The following XK variants were observed in gnomAD, a reference collection of about 807,000 sequenced individuals.
The protein encoded by XK is endoplasmic reticulum membrane adapter protein XK.
In XK, 2 loss-of-function variants were observed where a neutral mutation model predicts 14.0. The ratio of observed to expected loss-of-function variants is 0.14; its 90% CI spans 0.06 to 0.45. The LOEUF (loss-of-function observed/expected upper bound fraction) is 0.45, where lower values mean the gene tolerates loss of function less well. Among genes scored for constraint, XK ranks in the 20% least tolerant of loss-of-function variants. The pLI is 0.98. For missense variants in XK, 235 were observed against 341.5 expected (o/e 0.69, Z 2.46); for synonymous variants, 149 against 147.5 (o/e 1.01, Z -0.08).
At chrX:37,688,773 A>T (rs1467549910) in intron 1 of XK, among the ~76,000 whole-genome samples, 2 of 111,894 alleles carry the variant, frequency 1.8e-5, no homozygotes, top group African/African-American at 3.2e-5. Context: ...CCCAAGACAA[A>T]GCTAATGACA....
At chrX:37,707,949 A>G (rs1556445744) in intron 2 of XK, among the ~76,000 whole-genome samples, 1 of 112,851 alleles carries the variant, frequency 8.9e-6, no homozygotes, top group African/African-American at 3.2e-5. Flanking sequence ...TCCGTCTGCA[A>G]TCCCGGCCCC....
At chrX:37,697,984 G>A (rs1927334716) in intron 2 of XK, among the ~76,000 whole-genome samples, 1 of 111,867 alleles carries the variant, frequency 8.9e-6, no homozygotes, top group Non-Finnish European at 1.9e-5. Context: ...CTTCAGTCTT[G>A]GGTGAATTTG....
rs782480229 is a variant in XK, at chrX:37,685,931, C to T, written c.-31C>T. On this transcript the variant is annotated 5_prime_UTR_variant, in exon 1 of 3. Transcript: ENST00000378616. Reference sequence around the variant, plus strand: ...GCCACACAGCCGCCGCCACTGCGTCCGTCCCCGGTGAGCGCCGCTGACGCG... The same window carrying T: ...GCCACACAGCCGCCGCCACTGCGTCTGTCCCCGGTGAGCGCCGCTGACGCG... The T allele has an allele frequency of 2.6e-5, 31 of 1,193,820 alleles. No individual in the cohort carries two copies. The East Asian group carries it at 7.5e-4, about 29-fold the overall frequency.
chrX:37,728,635 C>T lies in XK; in HGVS notation c.*173C>T, dbSNP rs1928026961. The stretch of plus-strand genomic sequence containing the variant: ...TATGTAGAACTGTATGGGAAGAAGC[C>T]AGGAAAACCTCTGAGTGTTGAAGGG... On this transcript the variant is annotated 3_prime_UTR_variant, in exon 3 of 3. Coordinates refer to ENST00000378616, the MANE Select transcript of XK (RefSeq NM_021083.4). The T allele has an allele frequency of 3.9e-6, 2 of 516,316 alleles. No homozygotes were observed. Among genetic ancestry groups the T allele is most frequent in the Non-Finnish European group, 6.4e-6 (2 of 313,324 alleles). 42.6% of individuals were successfully genotyped at this position (516,316 alleles called of 1,213,427 possible). A position where few individuals can be genotyped will look rare whatever the true frequency, so the allele number is the denominator to read the frequency against.
At chrX:37,697,563 T>C (rs1161212185) in intron 2 of XK, among the ~76,000 whole-genome samples, 1 of 112,323 alleles carries the variant, frequency 8.9e-6, no homozygotes, top group Non-Finnish European at 1.9e-5. Flanking sequence ...CTGTGCTCAT[T>C]GAGCAAACAT....
At chrX:37,716,567 A>G (rs897071189) in intron 2 of XK, among the ~76,000 whole-genome samples, 3 of 111,651 alleles carry the variant, frequency 2.7e-5, no homozygotes, top group African/African-American at 9.8e-5. Context: ...ATGCTGAATT[A>G]TTTACAAGGT....
intron 2 of XK, among the ~76,000 whole-genome samples, chrX:37,705,181 C>G (rs1556444683): frequency 1.8e-5 from 2 of 110,963 alleles, no homozygotes; most frequent in Non-Finnish European, 3.8e-5. Context: ...CGTGGTAGCT[C>G]ACGCCTGTAA....
intron 1 of XK, among the ~76,000 whole-genome samples, chrX:37,688,027 A>ATTTC (rs61667945): frequency 0.29 from 22,376 of 76,672 alleles, 4,539 homozygotes; most frequent in Middle Eastern, 0.45. Flanking sequence ...GGCACTTATC[A>ATTTC]TTTCTTTCTT....
intron 2 of XK, among the ~76,000 whole-genome samples, chrX:37,700,936 A>G (rs781996813): frequency 1.8e-5 from 2 of 111,430 alleles, no homozygotes; most frequent in Non-Finnish European, 3.8e-5. Flanking sequence ...AATGCAAAAA[A>G]AAAAGTTATG....
chrX:37,708,119 T>G (rs1383087049), intron 2 of XK, among the ~76,000 whole-genome samples: 1 of 111,838 alleles, frequency 8.9e-6, no homozygotes, highest in Non-Finnish European at 1.9e-5. Context: ...GGCAGTAGAA[T>G]CAGGCAGGGA....
Position 37,728,331 on chromosome X carries a change from CA to C in XK, c.1209del (p.Lys403AsnfsTer6). ...LRCFCWACRQ[Q>X]KPCEPIGKED... ...GTGTTTTTGCTGGGCCTGCAGGCAG[CA>C]AAAACCCTGTGAGCCGATAGGAAAG... is the stretch of plus-strand genomic sequence containing the variant. On this transcript the variant is annotated frameshift_variant, in exon 3 of 3. Coordinates refer to ENST00000378616, the MANE Select transcript of XK (RefSeq NM_021083.4). LOFTEE classifies it low-confidence loss of function (END_TRUNC). 1 of 1,210,387 alleles carries C rather than the reference CA, an allele frequency of 8.3e-7. No homozygotes were observed. The highest frequency in any genetic ancestry group is 1.1e-6 in the Non-Finnish European group (1 of 895,230).
chrX:37,695,855 C>T (rs890995561), intron 2 of XK, among the ~76,000 whole-genome samples: 1 of 111,737 alleles, frequency 8.9e-6, no homozygotes, highest in African/African-American at 3.3e-5. Flanking sequence ...AAATACTTTC[C>T]GCAACACCTG....
chrX:37,728,542 A>G lies in XK; in HGVS notation c.*80A>G, dbSNP rs1372228145. The G allele has an allele frequency of 1.9e-6, 2 of 1,027,458 alleles. No individual in the cohort carries two copies. Among genetic ancestry groups the G allele is most frequent in the East Asian group, 3.0e-5 (1 of 33,007 alleles). The allele number at this position is 1,027,458 out of a possible 1,213,427, so 84.7% of individuals were successfully genotyped here. On this transcript the variant is annotated 3_prime_UTR_variant, in exon 3 of 3. Transcript: ENST00000378616. ...TATTCATACAAATAATGAGCCCTACACAGGGAACAAGGCAGGAAGTTAGCT... is the reference window on the plus strand; with the variant it reads ...TATTCATACAAATAATGAGCCCTACGCAGGGAACAAGGCAGGAAGTTAGCT...
chrX:37,687,440 T>C (rs1306006999), intron 1 of XK, among the ~76,000 whole-genome samples: 1 of 109,708 alleles, frequency 9.1e-6, no homozygotes, highest in Non-Finnish European at 1.9e-5. Flanking sequence ...GCTAATTTTC[T>C]TTTTTCTTTC....
chrX:37,699,149 TG>T (rs782680680), intron 2 of XK, among the ~76,000 whole-genome samples: 47 of 112,558 alleles, frequency 4.2e-4, no homozygotes, highest in Admixed American at 1.2e-3. Flanking sequence ...AATAATGGCC[TG>T]GACTGGAATA....
Position 37,686,031 on chromosome X carries a change from C to T in XK, c.70C>T (p.Leu24=), listed in dbSNP as rs12852968. The T allele has an allele frequency of 8.3e-7, 1 of 1,209,116 alleles. No individual in the cohort carries two copies. The highest frequency in any genetic ancestry group is 2.2e-5 in the Admixed American group (1 of 46,044). Residue 24 remains leucine (L), a synonymous_variant, in exon 1 of 3, where the codon CTG becomes TTG. Coordinates refer to ENST00000378616, the MANE Select transcript of XK (RefSeq NM_021083.4). ...GGCCGAGACAACGGCGGCGCTCAGC[C>T]TGAGCAGCACCTACCGCTCGGGCGG... The part of the protein sequence containing the change: ...FVAETTAALS[L]SSTYRSGGDR...
chrX:37,712,296 T>C (rs1927681190), intron 2 of XK, among the ~76,000 whole-genome samples: 1 of 112,218 alleles, frequency 8.9e-6, no homozygotes. Context: ...CTTACTTAAT[T>C]TTTTGCTGTT....
intron 2 of XK, among the ~76,000 whole-genome samples, chrX:37,697,194 A>G (rs1263663660): frequency 8.9e-6 from 1 of 111,981 alleles, no homozygotes; most frequent in East Asian, 2.8e-4. Flanking sequence ...ATCTCTGGAA[A>G]TTGTGATTTG....
At chrX:37,690,049 C>G (rs782174194) in intron 1 of XK, among the ~76,000 whole-genome samples, 32 of 111,555 alleles carry the variant, frequency 2.9e-4, no homozygotes, top group African/African-American at 1.0e-3. Context: ...CTAAGAAGTT[C>G]CCGAAACCTT....
Sources: gnomAD v4.1 joint callset for allele counts (sites outside exome capture counted in the v4.1 genomes callset) on GRCh38, gnomAD v4.1.1 for gene constraint, MANE v1.5 for transcripts, NCBI Gene and HGNC (gene_info 2026-07-23, HGNC 2026-07-21) for gene names.